Variants in GNG12 observed in about 807,000 individuals in gnomAD.
The protein encoded by GNG12 is G protein subunit gamma 12.
For synonymous variants in GNG12, 28 were observed against 29.7 expected, an observed-to-expected ratio of 0.94 and a Z score of 0.19; for missense variants, 69 against 83.8, an observed-to-expected ratio of 0.82 and a Z score of 0.69.
intron 2 of GNG12, among the ~76,000 whole-genome samples, chr1:67,708,117 C>A (rs1415486048): frequency 6.6e-6 from 1 of 152,224 alleles, no homozygotes; most frequent in African/African-American, 2.4e-5. Flanking sequence ...CCTACTTTCA[C>A]AGAAGGTTTG....
intron 1 of GNG12, among the ~76,000 whole-genome samples, chr1:67,809,743 C>T (rs530317066): frequency 1.1e-4 from 16 of 152,028 alleles, no homozygotes; most frequent in Non-Finnish European, 2.1e-4. Flanking sequence ...ACACACCTAC[C>T]AGAATAGCCA....
chr1:67,775,948 C>T (rs1646702709), intron 2 of GNG12, among the ~76,000 whole-genome samples: 1 of 152,108 alleles, frequency 6.6e-6, no homozygotes, highest in Non-Finnish European at 1.5e-5. Flanking sequence ...AAGGGAATAG[C>T]AGGACTTGAA....
chr1:67,826,632 C>T (rs925359615), intron 1 of GNG12, among the ~76,000 whole-genome samples: 3 of 152,216 alleles, frequency 2.0e-5, no homozygotes, highest in African/African-American at 7.2e-5. Context: ...CTAAAGGTTA[C>T]ACCTTTCTAA....
intron 2 of GNG12, among the ~76,000 whole-genome samples, chr1:67,747,715 C>A (rs1403550969): frequency 6.6e-6 from 1 of 152,194 alleles, no homozygotes; most frequent in Non-Finnish European, 1.5e-5. Flanking sequence ...TACATGTGAA[C>A]TTTAGCAACA....
chr1:67,772,614 G>A (rs1268868844), intron 2 of GNG12: 1 of 152,024 alleles, frequency 6.6e-6, no homozygotes, highest in Non-Finnish European at 1.5e-5. Context: ...AGTGAAAAGA[G>A]GAAACCTGCT....
At chr1:67,824,600 T>C (rs1294188808) in intron 1 of GNG12, among the ~76,000 whole-genome samples, 2 of 152,026 alleles carry the variant, frequency 1.3e-5, no homozygotes, top group Non-Finnish European at 2.9e-5. Context: ...TACCTTTGTA[T>C]ATGGTTATAA....
intron 1 of GNG12, among the ~76,000 whole-genome samples, chr1:67,829,036 T>G (rs986625111): frequency 6.6e-6 from 1 of 152,216 alleles, no homozygotes; most frequent in African/African-American, 2.4e-5. Flanking sequence ...AAACCAGATT[T>G]GTTTAGTAAC....
chr1:67,811,087 T>C (rs1297296541), intron 1 of GNG12, among the ~76,000 whole-genome samples: 1 of 152,204 alleles, frequency 6.6e-6, no homozygotes, highest in East Asian at 1.9e-4. Context: ...CAATCTGTGT[T>C]TTAACAGCCC....
chr1:67,777,171 A>G (rs1004170723), intron 2 of GNG12: 11 of 152,210 alleles, frequency 7.2e-5, no homozygotes, highest in African/African-American at 2.7e-4. Flanking sequence ...GGATACTCCC[A>G]TCAACAGGGG....
rs144511537 is a variant in GNG12, at chr1:67,785,591, G to A, written c.-76-8084C>T. Among the ~76,000 whole-genome samples, 784 of 152,194 alleles carry A rather than the reference G, an allele frequency of 5.2e-3. 10 individuals carry two copies. Among genetic ancestry groups the A allele is most frequent in the African/African-American group, 0.018 (746 of 41,520 alleles). Reference sequence around the variant, plus strand: ...TCTCTGCATGGAGGAGCACTCGTTCGATGTTTTACAGAGATATGGGAGAAG... The same window carrying A: ...TCTCTGCATGGAGGAGCACTCGTTCAATGTTTTACAGAGATATGGGAGAAG... On this transcript the variant is annotated intron_variant, in intron 1 of 3. Coordinates refer to ENST00000370982, the MANE Select transcript of GNG12 (RefSeq NM_018841.6).
At chr1:67,751,013 T>G (rs1646535517) in intron 2 of GNG12, among the ~76,000 whole-genome samples, 1 of 152,166 alleles carries the variant, frequency 6.6e-6, no homozygotes, top group African/African-American at 2.4e-5. Flanking sequence ...ATGCATGAAC[T>G]TTTGTTTTTC....
chr1:67,824,740 C>T (rs1647002386), intron 1 of GNG12, among the ~76,000 whole-genome samples: 1 of 152,080 alleles, frequency 6.6e-6, no homozygotes, highest in Non-Finnish European at 1.5e-5. Flanking sequence ...TTCAACAGCT[C>T]AGGAGGAGGA....
intron 2 of GNG12, among the ~76,000 whole-genome samples, chr1:67,740,145 T>C (rs1346396311): frequency 6.6e-6 from 1 of 152,216 alleles, no homozygotes; most frequent in Non-Finnish European, 1.5e-5. Context: ...AAAAAATGTA[T>C]AGTTTTACCC....
At chr1:67,813,461 T>C (rs765198079) in intron 1 of GNG12, among the ~76,000 whole-genome samples, 38 of 152,204 alleles carry the variant, frequency 2.5e-4, no homozygotes, top group Admixed American at 1.2e-3. Flanking sequence ...TTTTTAGGCA[T>C]CAGTTAGGGC....
At chr1:67,790,190 T>TG (rs1309015893) in intron 1 of GNG12, among the ~76,000 whole-genome samples, 1 of 152,194 alleles carries the variant, frequency 6.6e-6, no homozygotes, top group Admixed American at 6.5e-5. Flanking sequence ...ACAACCCACC[T>TG]GTTCTTATAC....
chr1:67,818,506 G>C (rs12117391), intron 1 of GNG12, among the ~76,000 whole-genome samples: 54 of 147,212 alleles, frequency 3.7e-4, no homozygotes, highest in Non-Finnish European at 7.1e-4. Context: ...GCCAAAAATG[G>C]GACAAAATAC....
At chr1:67,738,598 G>A (rs1002539818) in intron 2 of GNG12, among the ~76,000 whole-genome samples, 1 of 152,146 alleles carries the variant, frequency 6.6e-6, no homozygotes, top group African/African-American at 2.4e-5. Context: ...GTTTACACGT[G>A]TAGGCCAGGC....
At chr1:67,826,760 T>G (rs1299089505) in intron 1 of GNG12, among the ~76,000 whole-genome samples, 2 of 152,206 alleles carry the variant, frequency 1.3e-5, no homozygotes, top group African/African-American at 4.8e-5. Flanking sequence ...ACCCTTAGAT[T>G]TAGCTCATGT....
intron 2 of GNG12, among the ~76,000 whole-genome samples, chr1:67,747,756 C>A: frequency 6.6e-6 from 1 of 152,218 alleles, no homozygotes; most frequent in East Asian, 1.9e-4. Flanking sequence ...AAGATTTGAA[C>A]TTGTGTGTGG....
Sources: allele counts gnomAD v4.1 joint callset (sites outside exome capture counted in the v4.1 genomes callset), GRCh38; gene constraint gnomAD v4.1.1; transcripts MANE v1.5; gene names NCBI Gene and HGNC (gene_info 2026-07-23, HGNC 2026-07-21).